Variants in NBAS observed in about 807,000 individuals in gnomAD.
NBAS encodes the protein NBAS subunit of NRZ tethering complex, also known as NAG/BC035112 fusion.
Under a neutral mutation model 302.5 loss-of-function variants are expected in NBAS, and 219 were observed. The observed-to-expected ratio is 0.72, with a 90% CI of 0.65 to 0.81. NBAS has a LOEUF of 0.81. NBAS is among the 30% of genes least tolerant of loss of function. The probability of loss-of-function intolerance (pLI) is 0.00; values close to 1 mark genes in which losing one functional copy is unlikely to be tolerated. For synonymous variants in NBAS, 1,118 were observed against 1,021.6 expected (o/e 1.09, Z -1.80); for missense variants, 2,932 against 2,841.6 (o/e 1.03, Z -0.72).
the NBAS span, among the ~76,000 whole-genome samples, chr2:15,104,205 T>G: frequency 6.6e-6 from 1 of 152,196 alleles, no homozygotes; most frequent in East Asian, 1.9e-4. Flanking sequence ...CCATGTAAGA[T>G]ATGTCTTTAC....
the NBAS span, among the ~76,000 whole-genome samples, chr2:14,993,138 G>T: frequency 1.3e-5 from 2 of 152,116 alleles, no homozygotes; most frequent in African/African-American, 4.8e-5. Flanking sequence ...ATCCTGTAGG[G>T]CACATTACAT....
chr2:15,013,005 C>A, the NBAS span, among the ~76,000 whole-genome samples: 1 of 152,122 alleles, frequency 6.6e-6, no homozygotes, highest in Admixed American at 6.5e-5. Flanking sequence ...TTACTGGCAT[C>A]CGCCACCATG....
the NBAS span, among the ~76,000 whole-genome samples, chr2:14,781,522 T>G: frequency 6.6e-6 from 1 of 152,028 alleles, no homozygotes; most frequent in Non-Finnish European, 1.5e-5. Flanking sequence ...GTCATTTCTT[T>G]TCTGAAAATG....
chr2:15,413,894 T>C (rs550349644), intron 25 of NBAS, among the ~76,000 whole-genome samples: 12 of 152,334 alleles, frequency 7.9e-5, no homozygotes, highest in African/African-American at 2.9e-4. Context: ...GGCAAATGGC[T>C]GTATGTTTTG....
At chr2:15,199,955 G>C (rs942187160) in intron 48 of NBAS, among the ~76,000 whole-genome samples, 8 of 145,354 alleles carry the variant, frequency 5.5e-5, no homozygotes, top group African/African-American at 2.1e-4. Context: ...AGGCTGGAGT[G>C]CAGTGGCATG....
the NBAS span, among the ~76,000 whole-genome samples, chr2:15,116,559 T>C: frequency 8.5e-5 from 13 of 152,362 alleles, no homozygotes; most frequent in Non-Finnish European, 1.5e-4. Flanking sequence ...AATATAGTCA[T>C]ACTGGGAGGC....
At chr2:14,819,867 A>G in the NBAS span, among the ~76,000 whole-genome samples, 1 of 152,266 alleles carries the variant, frequency 6.6e-6, no homozygotes, top group Non-Finnish European at 1.5e-5. Flanking sequence ...TGGAATAGAC[A>G]TTTCTCAAAA....
chr2:15,466,016 G>C (rs1679707883), intron 19 of NBAS, among the ~76,000 whole-genome samples: 1 of 152,074 alleles, frequency 6.6e-6, no homozygotes, highest in Admixed American at 6.5e-5. Flanking sequence ...TCATCCAATA[G>C]CCAAACTAAT....
intron 48 of NBAS, among the ~76,000 whole-genome samples, chr2:15,202,520 G>GTTTGTTTA (rs989508765): frequency 1.3e-5 from 2 of 149,802 alleles, no homozygotes; most frequent in Non-Finnish European, 3.0e-5. Flanking sequence ...GTGTTTGTTT[G>GTTTGTTTA]TTTATTTATT....
At chr2:14,947,819 T>A in the NBAS span, among the ~76,000 whole-genome samples, 1 of 152,104 alleles carries the variant, frequency 6.6e-6, no homozygotes, top group Non-Finnish European at 1.5e-5. Flanking sequence ...GGTTTTTTTT[T>A]AATCATAAAG....
the NBAS span, among the ~76,000 whole-genome samples, chr2:15,157,286 C>T: frequency 6.6e-6 from 1 of 152,214 alleles, no homozygotes; most frequent in Non-Finnish European, 1.5e-5. Flanking sequence ...TCCCTAGGAC[C>T]CACAAGGTGA....
rs764707664 is a variant in NBAS at position 15,558,602 on chromosome 2, A to G, written c.150T>C (p.Phe50=). The part of the protein sequence containing the change: ...PRGNQKHGAS[F]IITKAIRDRL... The stretch of plus-strand genomic sequence containing the variant: ...TACCTCGAATTGCTTTCGTGATGAT[A>G]AAGGATGCACCATGTTTTTGGTTGC... Residue 50 remains phenylalanine (F), a synonymous_variant, in exon 2 of 52, where the codon TTT becomes TTC. Transcript: ENST00000281513. 6.2e-7 allele frequency: 1 copy of G among 1,613,134 alleles called. No individual in the cohort carries two copies. The highest frequency in any genetic ancestry group is 8.5e-7 in the Non-Finnish European group (1 of 1,179,496).
intron 40 of NBAS, among the ~76,000 whole-genome samples, chr2:15,306,947 T>A (rs1671059261): frequency 6.6e-6 from 1 of 152,230 alleles, no homozygotes; most frequent in African/African-American, 2.4e-5. Flanking sequence ...TGTATGTAAC[T>A]GCAATAGTTT....
the NBAS span, among the ~76,000 whole-genome samples, chr2:14,868,969 T>C: frequency 6.6e-6 from 1 of 152,322 alleles, no homozygotes; most frequent in Non-Finnish European, 1.5e-5. Context: ...ATAAATCGTA[T>C]GTTACTTTCA....
chr2:15,308,280 TAGTAATACGCTGCCAGCTGG>T lies in NBAS; in HGVS notation c.4713_4732del (p.Gln1572Ter), dbSNP rs1251939146. The T allele has an allele frequency of 6.2e-7, 1 of 1,614,052 alleles. No homozygotes were observed. Among genetic ancestry groups the T allele is most frequent in the Non-Finnish European group, 8.5e-7 (1 of 1,180,042 alleles). ...CAATCGGGCATAGATCTGGAGGCTA[TAGTAATACGCTGCCAGCTGG>T]AGAGATAATGCAGAGGGGGACTGCT... On this transcript the variant is annotated frameshift_variant, in exon 40 of 52. Coordinates refer to ENST00000281513, the MANE Select transcript of NBAS (RefSeq NM_015909.4). LOFTEE classifies it high-confidence loss of function.
chr2:14,862,016 C>G, the NBAS span, among the ~76,000 whole-genome samples: 3 of 152,110 alleles, frequency 2.0e-5, no homozygotes, highest in Admixed American at 2.0e-4. Flanking sequence ...GTGATAAATG[C>G]CTAAGAAGCA....
the NBAS span, among the ~76,000 whole-genome samples, chr2:14,873,368 C>T: frequency 2.0e-5 from 3 of 152,298 alleles, no homozygotes; most frequent in African/African-American, 4.8e-5. Context: ...GCGTGTGCCA[C>T]CACACCTGAT....
the NBAS span, among the ~76,000 whole-genome samples, chr2:15,035,561 T>A: frequency 2.1e-4 from 32 of 152,146 alleles, no homozygotes; most frequent in African/African-American, 7.7e-4. Flanking sequence ...GCAGCACTAT[T>A]CACAATAGCC....
intron 39 of NBAS, among the ~76,000 whole-genome samples, chr2:15,308,582 G>A (rs1161574472): frequency 6.6e-6 from 1 of 152,156 alleles, no homozygotes; most frequent in East Asian, 1.9e-4. Flanking sequence ...GCTAACTGTA[G>A]AATTGACTCT....
Sources: allele counts gnomAD v4.1 joint callset (sites outside exome capture counted in the v4.1 genomes callset), GRCh38; gene constraint gnomAD v4.1.1; transcripts MANE v1.5; gene names NCBI Gene and HGNC (gene_info 2026-07-23, HGNC 2026-07-21).